Variants in LRIT1 observed in about 807,000 individuals in gnomAD.
The protein encoded by LRIT1 is leucine rich repeat, Ig-like and transmembrane domains 1.
A neutral mutation model predicts 24.0 loss-of-function variants in LRIT1; 23 were observed. That is an observed-to-expected ratio of 0.96 (90% CI 0.69 to 1.36). The LOEUF (loss-of-function observed/expected upper bound fraction) is 1.36. Ranked by LOEUF, LRIT1 falls within the 40% of genes most tolerant of loss-of-function variation. The pLI is 0.00. For synonymous variants in LRIT1, 361 were observed against 340.5 expected (o/e 1.06, Z -0.66); for missense variants, 846 against 806.3 (o/e 1.05, Z -0.60).
chr10:84,241,538 C>T lies in LRIT1; in HGVS notation c.-99G>A. On this transcript the variant is annotated 5_prime_UTR_variant, in exon 1 of 4. Transcript: ENST00000372105. The stretch of plus-strand genomic sequence containing the variant: ...AGCAGCTGCCCACTTGCTCGCCAGC[C>T]CCTTACACCCCCTCCTGAGGCCATC... 8.1e-7 allele frequency: 1 copy of T among 1,230,264 alleles called. No individual in the cohort carries two copies. The allele number at this position is 1,230,264 out of a possible 1,614,324, so 76.2% of individuals were successfully genotyped here. A position where few individuals can be genotyped will look rare whatever the true frequency, so the allele number is the denominator to read the frequency against.
rs1238290383 is a variant in LRIT1 at position 84,241,434 on chromosome 10, C to T, written c.6G>A (p.Arg2=). 6.3e-7 allele frequency: 1 copy of T among 1,578,640 alleles called. No homozygotes were observed. Among genetic ancestry groups the T allele is most frequent in the African/African-American group, 1.4e-5 (1 of 73,478 alleles). The part of the protein sequence containing the change: M[R]VALGMLWLLA... ...AGAGCCAGAGCATGCCTAATGCCAC[C>T]CTCATGGCTCCTGGCTCCTCTCTGG... The change falls in exon 1 of 4, where the codon AGG becomes AGA. Residue 2 remains arginine, a synonymous_variant. Transcript: ENST00000372105.
chr10:84,233,992 C>A, intron 3 of LRIT1, 81 bp downstream of exon 3: 1 of 1,330,922 alleles, frequency 7.5e-7, no homozygotes, highest in Non-Finnish European at 9.9e-7. Context: ...TTCCCTCTGG[C>A]CCTGCCAAAT....
chr10:84,233,058 G>A (rs955871822), intron 3 of LRIT1, among the ~76,000 whole-genome samples, 155 bp from the exon 4 acceptor site: 1 of 152,228 alleles, frequency 6.6e-6, no homozygotes, highest in Non-Finnish European at 1.5e-5. Flanking sequence ...CCAGCCAAGG[G>A]TATCAACATT....
rs1330031664 is a variant in LRIT1, at chr10:84,232,767, A to G, written c.1032T>C (p.Ile344=). 1.9e-6 allele frequency: 3 copies of G among 1,613,880 alleles called. No individual in the cohort carries two copies. The highest frequency in any genetic ancestry group is 1.7e-6 in the Non-Finnish European group (2 of 1,180,014). ...CTGTGGAAGTCGGTGGCTCAGTGAC[A>G]ATCAAGGAGATAACAGTTTCAGAGG... ...LGASETVISL[I]VTEPPTSTEH... Residue 344 remains isoleucine (I), a synonymous_variant, in exon 4 of 4, where the codon ATT becomes ATC. Coordinates refer to ENST00000372105, the MANE Select transcript of LRIT1 (RefSeq NM_015613.3).
In LRIT1 at chr10:84,234,818, G is replaced by A. The variant is rs141181895; in HGVS notation, c.590-440C>T. On this transcript the variant is annotated intron_variant, in intron 2 of 3. Transcript: ENST00000372105. ...TAAATGGTATTTTCAGCATCATCCC[G>A]GCAATGAAGGTGGCTGCTCTGAGCC... 1.4e-3 allele frequency among the ~76,000 whole-genome samples: 218 copies of A among 152,216 alleles called. 1 individual carries two copies. Among genetic ancestry groups the A allele is most frequent in the African/African-American group, 5.1e-3 (213 of 41,528 alleles).
chr10:84,238,024 C>T (rs915361879), intron 1 of LRIT1, among the ~76,000 whole-genome samples: 9 of 152,192 alleles, frequency 5.9e-5, no homozygotes, highest in African/African-American at 2.2e-4. Flanking sequence ...ACCCCATGAT[C>T]GCGTTGTGCA....
Position 84,232,701 on chromosome 10 carries a change from A to G in LRIT1, c.1098T>C (p.Gly366=), listed in dbSNP as rs1406231252. 2.5e-6 allele frequency: 4 copies of G among 1,613,848 alleles called. No homozygotes were observed. The highest frequency in any genetic ancestry group is 3.4e-6 in the Non-Finnish European group (4 of 1,179,868). ...GSPGALWART[G]GGGEAAAYNN... Reference sequence around the variant, plus strand: ...TGTAAGCAGCAGCTTCCCCTCCGCCACCTGTCCTTGCCCATAGTGCTCCTG... The same window carrying G: ...TGTAAGCAGCAGCTTCCCCTCCGCCGCCTGTCCTTGCCCATAGTGCTCCTG... The change falls in exon 4 of 4, where the codon GGT becomes GGC. Residue 366 remains glycine, a synonymous_variant. Transcript: ENST00000372105.
Position 84,237,517 on chromosome 10 carries a change from G to T in LRIT1, c.292C>A (p.Leu98Ile). ...AGGCCCCGCAGCATGAGGGCGTTGA[G>T]CTCGCTGAGGGCGTTGTAAGGCAGC... ...LWLPYNALSE[L>I]NALMLRGLRR... is the part of the protein sequence containing the mutation. Residue 98 changes from leucine to isoleucine, a missense_variant, in exon 2 of 4, where the codon CTC becomes ATC. Physicochemically the swap from Leu to Ile is conservative, Grantham distance 5. Transcript: ENST00000372105. 6.2e-7 allele frequency: 1 copy of T among 1,603,512 alleles called. No individual in the cohort carries two copies.
At position 84,237,136 on chromosome 10, in the gene LRIT1, A is replaced by G. The variant is rs936382126; in HGVS notation, c.589+84T>C. 12 of 1,106,426 alleles carry G rather than the reference A, an allele frequency of 1.1e-5. No homozygotes were observed. The African/African-American group carries it at 1.9e-4, about 18-fold the overall frequency. The allele number at this position is 1,106,426 out of a possible 1,614,324, so 68.5% of individuals were successfully genotyped here. A position where few individuals can be genotyped will look rare whatever the true frequency, so the allele number is the denominator to read the frequency against. On this transcript the variant is annotated intron_variant, in intron 2 of 3. Transcript: ENST00000372105. ...CTTTGCTCAAACCTGGAAGGAAGGTATGATTTCAATTTTCCAAATAATCGA... is the reference window on the plus strand; with the variant it reads ...CTTTGCTCAAACCTGGAAGGAAGGTGTGATTTCAATTTTCCAAATAATCGA...
chr10:84,237,411 A>C lies in LRIT1; in HGVS notation c.398T>G (p.Leu133Arg), dbSNP rs948008494. 1.7e-5 allele frequency: 26 copies of C among 1,546,846 alleles called. No individual in the cohort carries two copies. Among genetic ancestry groups the C allele is most frequent in the Non-Finnish European group, 2.0e-5 (23 of 1,146,934 alleles). ...GTTGGCCTGCAGGTCCAGCAGCCGC[A>C]GCTTGGGGGCGTCCCTGAGCGCCGC... ...PWAALRDAPK[L>R]RLLDLQANRL... The change falls in exon 2 of 4, where the codon CTG (leucine) becomes CGG (arginine). Residue 133 changes from leucine to arginine, a missense_variant. Physicochemically the swap from Leu to Arg is moderately radical, Grantham distance 102 (BLOSUM62 -2). Coordinates refer to ENST00000372105, the MANE Select transcript of LRIT1 (RefSeq NM_015613.3).
chr10:84,240,364 T>A (rs1309033212), intron 1 of LRIT1, among the ~76,000 whole-genome samples: 1 of 152,206 alleles, frequency 6.6e-6, no homozygotes, highest in East Asian at 1.9e-4. Context: ...ATTTGAGGTG[T>A]CTTTTCTTAG....
At chr10:84,238,799 G>T (rs938409400) in intron 1 of LRIT1, among the ~76,000 whole-genome samples, 2 of 152,134 alleles carry the variant, frequency 1.3e-5, no homozygotes, top group Non-Finnish European at 2.9e-5. Flanking sequence ...CCCAAACCAC[G>T]ACTTCTTAAA....
At chr10:84,233,093 C>A (rs996703030) in intron 3 of LRIT1, among the ~76,000 whole-genome samples, 190 bp from the exon 4 acceptor site, 2 of 152,184 alleles carry the variant, frequency 1.3e-5, no homozygotes, top group African/African-American at 2.4e-5. Context: ...TGTGGTGAGC[C>A]TCTGGAGCCC....
chr10:84,237,653 C>T lies in LRIT1; in HGVS notation c.156G>A (p.Leu52=). The part of the protein sequence containing the change: ...TVVCNDPDMT[L]PPASIPPDTS... Reference sequence around the variant, plus strand: ...TGTCCGGGGGGATGGACGCCGGGGGCAGGGTCATGTCGGGGTCGTTGCACA... The same window carrying T: ...TGTCCGGGGGGATGGACGCCGGGGGTAGGGTCATGTCGGGGTCGTTGCACA... Residue 52 remains leucine, a synonymous_variant, in exon 2 of 4, where the codon CTG becomes CTA. Transcript: ENST00000372105. 4.4e-6 allele frequency: 7 copies of T among 1,604,572 alleles called. No individual in the cohort carries two copies. Among genetic ancestry groups the T allele is most frequent in the Non-Finnish European group, 5.9e-6 (7 of 1,178,368 alleles).
rs746464657 is a variant in LRIT1, at chr10:84,232,785, T to G, written c.1014A>C (p.Glu338Asp). ...CQAKNFLGAS[E>D]TVISLIVTEP... ...CAGTGACAATCAAGGAGATAACAGT[T>G]TCAGAGGCTCCCAGGAAGTTCTTGG... The change falls in exon 4 of 4, where the codon GAA (glutamate) becomes GAC (aspartate). Residue 338 changes from glutamate to aspartate, a missense_variant. Glu to Asp is a conservative substitution (Grantham distance 45, BLOSUM62 2). Coordinates refer to ENST00000372105, the MANE Select transcript of LRIT1 (RefSeq NM_015613.3). 5.6e-6 allele frequency: 9 copies of G among 1,613,852 alleles called. No homozygotes were observed. The highest frequency in any genetic ancestry group is 5.9e-6 in the Non-Finnish European group (7 of 1,180,012).
chr10:84,240,060 A>G (rs1842680496), intron 1 of LRIT1, among the ~76,000 whole-genome samples: 1 of 152,348 alleles, frequency 6.6e-6, no homozygotes, highest in South Asian at 2.1e-4. Context: ...GCTGCCTGGA[A>G]CTTACCACTG....
intron 1 of LRIT1, 90 bp downstream of exon 1, chr10:84,241,228 C>A: frequency 6.3e-7 from 1 of 1,586,918 alleles, no homozygotes; most frequent in South Asian, 1.1e-5. Flanking sequence ...AAGACCTCAC[C>A]CAGGGCCCCA....
At chr10:84,235,892 T>G (rs187563590) in intron 2 of LRIT1, among the ~76,000 whole-genome samples, 7 of 151,168 alleles carry the variant, frequency 4.6e-5, no homozygotes, top group Admixed American at 3.3e-4. Context: ...GTTACAGGTG[T>G]GAGCCCCCGT....
In LRIT1 at chr10:84,232,291, AG is replaced by A; in HGVS notation, c.1507del (p.Leu503TrpfsTer30). 1 of 1,614,016 alleles carries A rather than the reference AG, an allele frequency of 6.2e-7. No individual in the cohort carries two copies. Among genetic ancestry groups the A allele is most frequent in the Non-Finnish European group, 8.5e-7 (1 of 1,179,970 alleles). Reference sequence around the variant, plus strand: ...AACACACTGCTCCTTCCGGGGCACCAGGCCCTGCACACAGACACACGCCACA... The same window carrying A: ...AACACACTGCTCCTTCCGGGGCACCAGCCCTGCACACAGACACACGCCACA... ...KYVACVCVQGLVPRKEQCVIF... is the reference protein window; with the variant it reads ...KYVACVCVQGXVPRKEQCVIF... On this transcript the variant is annotated frameshift_variant, in exon 4 of 4. Transcript: ENST00000372105. LOFTEE classifies it high-confidence loss of function.
Sources: gnomAD v4.1 joint callset for allele counts (sites outside exome capture counted in the v4.1 genomes callset) on GRCh38, gnomAD v4.1.1 for gene constraint, MANE v1.5 for transcripts, NCBI Gene and HGNC (gene_info 2026-07-23, HGNC 2026-07-21) for gene names.